The following CDH9 variants were observed in gnomAD, a reference collection of about 807,000 sequenced individuals.
The protein encoded by CDH9 is cadherin-9.
Under a neutral mutation model 70.9 loss-of-function variants are expected in CDH9, and 28 were observed. The ratio of observed to expected loss-of-function variants is 0.40; its 90% CI spans 0.29 to 0.54. The LOEUF (loss-of-function observed/expected upper bound fraction) is 0.54, where lower values mean the gene tolerates loss of function less well. Among genes scored for constraint, CDH9 ranks in the 20% least tolerant of loss-of-function variants. The pLI is 0.59. For missense variants in CDH9, 874 were observed against 984.4 expected, an observed-to-expected ratio of 0.89 and a Z score of 1.50; for synonymous variants, 409 against 343.1, an observed-to-expected ratio of 1.19 and a Z score of -2.12.
chr5:26,942,767 C>G (rs1741685762), intron 2 of CDH9, among the ~76,000 whole-genome samples: 1 of 152,110 alleles, frequency 6.6e-6, no homozygotes, highest in South Asian at 2.1e-4. Context: ...CATAGACTAA[C>G]TTGGCTACAT....
chr5:26,909,840 T>C (rs1340473040), intron 3 of CDH9, among the ~76,000 whole-genome samples: 1 of 151,972 alleles, frequency 6.6e-6, no homozygotes, highest in African/African-American at 2.4e-5. Context: ...TCTATAATAG[T>C]AAATCATGAA....
Position 26,976,443 on chromosome 5 carries a change from T to C in CDH9, c.228+11663A>G, listed in dbSNP as rs1742303896. 2.0e-5 allele frequency among the ~76,000 whole-genome samples: 3 copies of C among 152,084 alleles called. 1 individual carries two copies. In the South Asian group the frequency reaches 6.2e-4, roughly 31 times the overall value. ...TTAGGTTATTTTACAGTCCTCTAAT[T>C]TTTTGTTTGTTTTGTTATTTGAGAC... On this transcript the variant is annotated intron_variant, in intron 2 of 11. Coordinates refer to ENST00000231021, the MANE Select transcript of CDH9 (RefSeq NM_016279.4).
chr5:26,916,372 T>C (rs1741149619), intron 2 of CDH9, among the ~76,000 whole-genome samples: 1 of 151,960 alleles, frequency 6.6e-6, no homozygotes, highest in Non-Finnish European at 1.5e-5. Flanking sequence ...CCTTAATTTT[T>C]AACTGATTTT....
intron 1 of CDH9, among the ~76,000 whole-genome samples, chr5:27,010,197 C>T (rs1742933002): frequency 6.6e-6 from 1 of 152,030 alleles, no homozygotes; most frequent in Non-Finnish European, 1.5e-5. Flanking sequence ...ATAACTGAAA[C>T]ATTACACTCT....
chr5:26,942,532 C>A (rs1741679958), intron 2 of CDH9, among the ~76,000 whole-genome samples: 2 of 152,146 alleles, frequency 1.3e-5, no homozygotes, highest in African/African-American at 2.4e-5. Flanking sequence ...ATAGTACTTG[C>A]TTACAACAGT....
intron 2 of CDH9, among the ~76,000 whole-genome samples, chr5:26,945,914 G>A (rs570195759): frequency 6.6e-6 from 1 of 152,202 alleles, no homozygotes; most frequent in Admixed American, 6.5e-5. Context: ...GAAGAAAGAA[G>A]GTAGGTGACT....
intron 1 of CDH9, among the ~76,000 whole-genome samples, chr5:27,019,379 C>G (rs1237233184): frequency 1.3e-5 from 2 of 151,730 alleles, no homozygotes; most frequent in Non-Finnish European, 2.9e-5. Context: ...AATGCTAATC[C>G]CATCTTAGTA....
rs537689961 is a variant in CDH9 at position 27,012,276 on chromosome 5, C to T, written c.-49-23894G>A. On this transcript the variant is annotated intron_variant, in intron 1 of 11. Transcript: ENST00000231021. ...GTTTTTATTTGTGTTATTATTGTTA[C>T]TGTATTATTATTATTTTTTAATATT... Among the ~76,000 whole-genome samples the T allele has an allele frequency of 4.5e-4, 69 of 151,914 alleles. 1 individual carries two copies. The South Asian group carries it at 0.014, about 30-fold the overall frequency.
chr5:26,952,857 A>G (rs1179014955), intron 2 of CDH9, among the ~76,000 whole-genome samples: 2 of 147,230 alleles, frequency 1.4e-5, no homozygotes, highest in African/African-American at 5.0e-5. Flanking sequence ...CTTGCTGGTT[A>G]TAAGAATAAT....
At chr5:26,996,255 A>G (rs919319618) in intron 1 of CDH9, among the ~76,000 whole-genome samples, 1 of 152,024 alleles carries the variant, frequency 6.6e-6, no homozygotes, top group African/African-American at 2.4e-5. Context: ...TCAATAATGA[A>G]CTTCAACATA....
intron 1 of CDH9, among the ~76,000 whole-genome samples, chr5:27,018,025 C>T (rs11955412): frequency 2.0e-5 from 3 of 151,410 alleles, no homozygotes; most frequent in Non-Finnish European, 4.4e-5. Context: ...TTCTATTCAG[C>T]ATAGTAAAAA....
At chr5:27,033,815 A>G in intron 1 of CDH9, among the ~76,000 whole-genome samples, 1 of 151,488 alleles carries the variant, frequency 6.6e-6, no homozygotes, top group East Asian at 1.9e-4. Flanking sequence ...GTCTGGGGAA[A>G]ACTCCCTTAG....
chr5:26,969,581 T>G (rs1742183245), intron 2 of CDH9, among the ~76,000 whole-genome samples: 1 of 152,066 alleles, frequency 6.6e-6, no homozygotes. Flanking sequence ...AAATTATGTT[T>G]TCCTTTGTTA....
chr5:26,882,830 T>C (rs1037285063), intron 11 of CDH9, among the ~76,000 whole-genome samples: 3 of 151,424 alleles, frequency 2.0e-5, no homozygotes, highest in African/African-American at 7.3e-5. Context: ...AAACAAAGCA[T>C]ACTCATTGTC....
chr5:27,022,629 G>A (rs1429328819), intron 1 of CDH9, among the ~76,000 whole-genome samples: 1 of 152,138 alleles, frequency 6.6e-6, no homozygotes, highest in Non-Finnish European at 1.5e-5. Context: ...GGTAATGCCA[G>A]ATGTGACTGT....
chr5:27,003,055 G>A (rs569900936), intron 1 of CDH9, among the ~76,000 whole-genome samples: 24 of 152,124 alleles, frequency 1.6e-4, no homozygotes, highest in Admixed American at 2.6e-4. Context: ...GAAATGTTTC[G>A]GTTTTGGATC....
chr5:26,956,330 C>T (rs1020038722), intron 2 of CDH9, among the ~76,000 whole-genome samples: 1 of 152,150 alleles, frequency 6.6e-6, no homozygotes, highest in Non-Finnish European at 1.5e-5. Flanking sequence ...AACTTTGAGT[C>T]CATTAAACCT....
At position 26,988,388 on chromosome 5, in the gene CDH9, G is replaced by C; in HGVS notation, c.-49-6C>G. ...CAATGTATTGTTTGTTTTTCCTAAA[G>C]AGTAAGGAGAAAAAAAATGGCTGTA... On this transcript the variant is annotated splice_polypyrimidine_tract_variant and splice_region_variant and intron_variant, in intron 1 of 11. Coordinates refer to ENST00000231021, the MANE Select transcript of CDH9 (RefSeq NM_016279.4). The C allele has an allele frequency of 1.9e-6, 3 of 1,571,732 alleles. No individual in the cohort carries two copies. The highest frequency in any genetic ancestry group is 2.3e-5 in the South Asian group (2 of 86,640).
intron 2 of CDH9, among the ~76,000 whole-genome samples, chr5:26,944,570 T>C (rs1741715978): frequency 6.6e-6 from 1 of 152,144 alleles, no homozygotes; most frequent in South Asian, 2.1e-4. Context: ...GGAGGATTGC[T>C]TGAGCTCAGG....
Sources: gnomAD v4.1 joint callset for allele counts (sites outside exome capture counted in the v4.1 genomes callset) on GRCh38, gnomAD v4.1.1 for gene constraint, MANE v1.5 for transcripts, NCBI Gene and HGNC (gene_info 2026-07-23, HGNC 2026-07-21) for gene names.